Variants in WNK1 observed in about 807,000 individuals in gnomAD.
WNK1 encodes the protein serine/threonine-protein kinase WNK1.
Under a neutral mutation model 222.8 loss-of-function variants are expected in WNK1, and 38 were observed. That is an observed-to-expected ratio of 0.17 (90% CI 0.13 to 0.22). WNK1 has a LOEUF of 0.22. Ranked by LOEUF, WNK1 falls within the 10% of genes least tolerant of loss-of-function variation. The pLI is 1.00. For missense variants in WNK1, 2,348 were observed against 2,918.4 expected (o/e 0.80, Z 4.50); for synonymous variants, 1,090 against 1,092.9 (o/e 1.00, Z 0.05).
intron 4 of WNK1, among the ~76,000 whole-genome samples, chr12:831,998 A>G (rs1948831096): frequency 6.6e-6 from 1 of 152,070 alleles, no homozygotes; most frequent in Non-Finnish European, 1.5e-5. Flanking sequence ...GAATTTTGAT[A>G]TAGAAGATGT....
chr12:885,509 CCTTTGGTCATTCCATCAGTGATAGCTT>C lies in WNK1; in HGVS notation c.4708_4734del (p.Leu1570_Ser1578del). ...TATTTCTCAGCCTGGTGGGCTGCAT[CCTTTGGTCATTCCATCAGTGATAGCTT>C]CTACTCCTATTCTTCCCCAAGCAGC... On this transcript the variant is annotated inframe_deletion, in exon 19 of 28. Transcript: ENST00000315939. The C allele has an allele frequency of 6.2e-7, 1 of 1,614,098 alleles. No individual in the cohort carries two copies. The highest frequency in any genetic ancestry group is 8.5e-7 in the Non-Finnish European group (1 of 1,180,018).
chr12:864,910 G>A (rs980475410), intron 8 of WNK1, among the ~76,000 whole-genome samples: 4 of 151,800 alleles, frequency 2.6e-5, no homozygotes, highest in African/African-American at 7.3e-5. Context: ...GACTGACAAC[G>A]CAGAATAGTT....
chr12:857,132 A>G, intron 4 of WNK1, 29 bp from the exon 5 acceptor site: 10 of 1,605,940 alleles, frequency 6.2e-6, no homozygotes, highest in Non-Finnish European at 8.5e-6. Flanking sequence ...CCCTGCTTTT[A>G]TTAATGTATT....
intron 16 of WNK1, 73 bp downstream of exon 16, chr12:883,641 A>C: frequency 6.2e-7 from 1 of 1,607,508 alleles, no homozygotes. Context: ...TGCTATGCAA[A>C]ATGTCCAGTG....
chr12:855,213 G>C (rs1363153452), intron 4 of WNK1, among the ~76,000 whole-genome samples: 4 of 152,146 alleles, frequency 2.6e-5, no homozygotes, highest in Non-Finnish European at 5.9e-5. Flanking sequence ...AAAACAAGCT[G>C]GGAAAAACTT....
chr12:882,462 C>T (rs1430261317), intron 14 of WNK1, among the ~76,000 whole-genome samples: 4 of 152,158 alleles, frequency 2.6e-5, no homozygotes, highest in Admixed American at 6.5e-5. Context: ...GCCTCCCAAA[C>T]CACTGGGATT....
intron 9 of WNK1, among the ~76,000 whole-genome samples, chr12:873,662 A>G (rs1952358347): frequency 6.6e-6 from 1 of 152,134 alleles, no homozygotes; most frequent in Non-Finnish European, 1.5e-5. Context: ...CTGCAAATGT[A>G]CCTCAGAAGC....
chr12:794,785 T>A lies in WNK1; in HGVS notation c.760-18857T>A, dbSNP rs539861516. 4.6e-5 allele frequency among the ~76,000 whole-genome samples: 7 copies of A among 152,342 alleles called. No homozygotes were observed. The South Asian group carries it at 1.2e-3, about 27-fold the overall frequency. On this transcript the variant is annotated intron_variant, in intron 1 of 27. Transcript: ENST00000315939. ...ATTCATTTATTAGAGACAGTCTTGC[T>A]CTGTCATCTTGGCTGGAGTGCAGAG... is the stretch of plus-strand genomic sequence containing the variant.
intron 20 of WNK1, 126 bp from the exon 21 acceptor site, chr12:889,014 C>T (rs1953945160): frequency 2.5e-6 from 2 of 805,800 alleles, no homozygotes; most frequent in South Asian, 2.7e-5. Flanking sequence ...TTTGTATGTT[C>T]CATAAAGACA....
At chr12:830,775 A>G (rs1028047861) in intron 4 of WNK1, among the ~76,000 whole-genome samples, 2 of 152,222 alleles carry the variant, frequency 1.3e-5, no homozygotes, top group African/African-American at 2.4e-5. Flanking sequence ...ATTTTCTTAC[A>G]TAACCATATT....
At chr12:792,971 G>A (rs1340933077) in intron 1 of WNK1, among the ~76,000 whole-genome samples, 2 of 152,060 alleles carry the variant, frequency 1.3e-5, no homozygotes, top group South Asian at 2.1e-4. Flanking sequence ...TAAAATGAGG[G>A]TAATGTTTTA....
At chr12:824,798 T>C (rs1007754533) in intron 2 of WNK1, among the ~76,000 whole-genome samples, 1 of 152,090 alleles carries the variant, frequency 6.6e-6, no homozygotes, top group African/African-American at 2.4e-5. Flanking sequence ...TTCTAAAAAT[T>C]ATATAGAAAA....
intron 8 of WNK1, among the ~76,000 whole-genome samples, chr12:865,726 A>G (rs1467340467): frequency 6.6e-6 from 1 of 152,214 alleles, no homozygotes; most frequent in East Asian, 1.9e-4. Flanking sequence ...AGCAAATTTT[A>G]TCAAACATTA....
intron 23 of WNK1, 57 bp downstream of exon 23, chr12:894,692 A>C: frequency 6.6e-7 from 1 of 1,518,302 alleles, no homozygotes. Flanking sequence ...TTGTCTATAT[A>C]ATAAAATTAC....
At chr12:861,475 G>T in intron 7 of WNK1, 132 bp downstream of exon 7, 1 of 802,384 alleles carries the variant, frequency 1.2e-6, no homozygotes, top group Non-Finnish European at 2.0e-6. Context: ...TGAAATGGTT[G>T]TCGTCTAGCT....
intron 1 of WNK1, among the ~76,000 whole-genome samples, chr12:758,035 TAAAA>T (rs71051381): frequency 0.61 from 70,808 of 116,050 alleles, 22,465 homozygotes; most frequent in East Asian, 0.86. Context: ...ACTCTGTCTC[TAAAA>T]AAAAAAAAAA....
At chr12:805,486 A>G (rs747101593) in intron 1 of WNK1, among the ~76,000 whole-genome samples, 1 of 152,236 alleles carries the variant, frequency 6.6e-6, no homozygotes, top group Non-Finnish European at 1.5e-5. Context: ...TTACACAGCT[A>G]TAACAGCAAA....
chr12:884,132 A>G lies in WNK1; in HGVS notation c.3733A>G (p.Ser1245Gly), dbSNP rs773910442. ...SMPQQIGIPT[S>G]SLTQVVHSAG... ...TTGTTTTTGACCAGGCATTCCTACC[A>G]GTTCTTTAACTCAAGTTGTTCATTC... Residue 1245 changes from serine (S) to glycine (G), a missense_variant, in exon 18 of 28, where the codon AGT becomes GGT. Coordinates refer to ENST00000315939, the MANE Select transcript of WNK1 (RefSeq NM_018979.4). This position sits in a 1 kb window ranked among gnomAD's most constrained non-coding sequence, Gnocchi z 5.6. 1 of 1,614,200 alleles carries G rather than the reference A, an allele frequency of 6.2e-7. No individual in the cohort carries two copies. The highest frequency in any genetic ancestry group is 8.5e-7 in the Non-Finnish European group (1 of 1,180,028).
chr12:887,540 T>A (rs1482656841), intron 20 of WNK1, among the ~76,000 whole-genome samples: 5 of 152,196 alleles, frequency 3.3e-5, no homozygotes, highest in Non-Finnish European at 7.3e-5. Context: ...ATTTTTTTTT[T>A]ATATCTTATG....
Sources: allele counts gnomAD v4.1 joint callset (sites outside exome capture counted in the v4.1 genomes callset), GRCh38; gene constraint gnomAD v4.1.1; non-coding constraint Gnocchi (gnomAD v3.1); transcripts MANE v1.5; gene names NCBI Gene and HGNC (gene_info 2026-07-23, HGNC 2026-07-21).